The following DPEP2 variants were observed in gnomAD, a reference collection of about 807,000 sequenced individuals.
DPEP2 encodes the protein dipeptidase 2.
DPEP2 carries 45 observed loss-of-function variants against 51.8 expected under a neutral mutation model. The observed-to-expected ratio is 0.87, with a 90% CI of 0.68 to 1.11. DPEP2 has a LOEUF of 1.11. Among genes scored for constraint, DPEP2 ranks in the 50% most tolerant of loss-of-function variants. The pLI, the probability that DPEP2 is intolerant of heterozygous loss-of-function variation, is 0.00. For synonymous variants in DPEP2, 255 were observed against 262.7 expected (o/e 0.97, Z 0.28); for missense variants, 604 against 631.9 (o/e 0.96, Z 0.47).
intron 1 of DPEP2, chr16:67,994,904 T>C: frequency 1.0e-6 from 1 of 985,414 alleles, no homozygotes; most frequent in Non-Finnish European, 1.2e-6. Context: ...AAGGGGGTCT[T>C]TTTTTGTTTG....
At chr16:67,998,425 C>G (rs1340086105) in intron 1 of DPEP2, among the ~76,000 whole-genome samples, 1 of 152,238 alleles carries the variant, frequency 6.6e-6, no homozygotes, top group Admixed American at 6.5e-5. Context: ...CGCTCGACTT[C>G]TCACCGGGCC....
chr16:67,989,917 T>G, intron 8 of DPEP2, 130 bp downstream of exon 8: 1 of 915,304 alleles, frequency 1.1e-6, no homozygotes, highest in Non-Finnish European at 1.7e-6. Context: ...TGCAGCTCCA[T>G]GTGACCAATG....
chr16:67,987,428 T>TTG lies in DPEP2; in HGVS notation c.*76_*77dup. ...CCAAAACATTTATTTCAGGAAATATTTGTGCCTGCACAACAGGGGAACTTT... is the reference window on the plus strand; with the variant it reads ...CCAAAACATTTATTTCAGGAAATATTTGTGTGCCTGCACAACAGGGGAACTTT... On this transcript the variant is annotated 3_prime_UTR_variant, in exon 11 of 11. Transcript: ENST00000393847. 1 of 1,527,518 alleles carries TTG rather than the reference T, an allele frequency of 6.5e-7. No homozygotes were observed. Among genetic ancestry groups the TTG allele is most frequent in the Admixed American group, 2.0e-5 (1 of 51,016 alleles). 94.6% of individuals were successfully genotyped at this position (1,527,518 alleles called of 1,614,324 possible). A position where few individuals can be genotyped will look rare whatever the true frequency, so the allele number is the denominator to read the frequency against.
upstream of DPEP2, chr16:68,000,554 C>CAA (rs2032958816): frequency 1.1e-6 from 1 of 924,898 alleles, no homozygotes; most frequent in South Asian, 5.0e-5. Context: ...CCCATGATGT[C>CAA]TGATACAGAC....
chr16:67,996,191 C>T (rs568980217), intron 1 of DPEP2, among the ~76,000 whole-genome samples: 1 of 149,342 alleles, frequency 6.7e-6, no homozygotes, highest in South Asian at 2.2e-4. Context: ...TACTCGCCAC[C>T]ACACTCGGCT....
Position 67,991,400 on chromosome 16 carries a change from C to T in DPEP2, c.663-216G>A, listed in dbSNP as rs1436099716. On this transcript the variant is annotated intron_variant, in intron 5 of 10. Transcript: ENST00000393847. This position sits in a 1 kb window ranked among gnomAD's most constrained non-coding sequence, Gnocchi z 5.1. ...TTTTTTTTTTTTGGCAATAGAGTCT[C>T]GCTCTGTCACCCAGGCAGGAGTGCA... Among the ~76,000 whole-genome samples the T allele has an allele frequency of 6.8e-5, 10 of 146,628 alleles. No individual in the cohort carries two copies. Among genetic ancestry groups the T allele is most frequent in the Non-Finnish European group, 1.3e-4 (9 of 67,022 alleles).
Position 67,992,133 on chromosome 16 carries a change from C to T in DPEP2, c.451G>A (p.Glu151Lys), listed in dbSNP as rs375989977. Residue 151 changes from glutamate to lysine, a missense_variant, in exon 4 of 11, where the codon GAG becomes AAG. Coordinates refer to ENST00000393847, the MANE Select transcript of DPEP2 (RefSeq NM_022355.4). Reference sequence around the variant, plus strand: ...ATGCGGCGTATGAGGTCAATCTGCTCCAGGGTGAGGCGCAGGGCATCCCGG... The same window carrying T: ...ATGCGGCGTATGAGGTCAATCTGCTTCAGGGTGAGGCGCAGGGCATCCCGG... ...QDRDALRLTL[E>K]QIDLIRRMCA... The T allele has an allele frequency of 3.7e-5, 59 of 1,614,062 alleles. No individual in the cohort carries two copies. The highest frequency in any genetic ancestry group is 4.7e-5 in the Non-Finnish European group (56 of 1,180,038).
chr16:67,991,876 C>T lies in DPEP2; in HGVS notation c.624G>A (p.Val208=), dbSNP rs558643508. The change falls in exon 5 of 11, where the codon GTG becomes GTA. Residue 208 remains valine (V), a synonymous_variant. Transcript: ENST00000393847. The surrounding 1 kb of genome is among the most constrained non-coding windows in gnomAD (Gnocchi z 5.1). ...SILRTFYMLG[V]RYLTLTHTCN... ...AGGTGTGGGTGAGCGTCAGGTAGCG[C>T]ACTCCCAGCATGTAGAAGGTACGTA... The T allele has an allele frequency of 1.2e-6, 2 of 1,614,162 alleles. No individual in the cohort carries two copies. The highest frequency in any genetic ancestry group is 2.2e-5 in the East Asian group (1 of 44,878).
chr16:67,990,660 C>T (rs2032015053), intron 7 of DPEP2, among the ~76,000 whole-genome samples, 161 bp downstream of exon 7: 1 of 152,084 alleles, frequency 6.6e-6, no homozygotes, highest in Non-Finnish European at 1.5e-5. Context: ...GACGGGGTTT[C>T]CCCATGTTGG....
Position 67,991,023 on chromosome 16 carries a change from T to A in DPEP2, c.733-26A>T, listed in dbSNP as rs746093878. ...CTGCAGGGACATGTTGGGAGAAGGG[T>A]ATCAGGGGTGCACATGTGTATACAT... On this transcript the variant is annotated intron_variant, in intron 6 of 10. Transcript: ENST00000393847. This position sits in a 1 kb window ranked among gnomAD's most constrained non-coding sequence, Gnocchi z 5.1. 1 of 1,613,822 alleles carries A rather than the reference T, an allele frequency of 6.2e-7. No individual in the cohort carries two copies. Among genetic ancestry groups the A allele is most frequent in the Non-Finnish European group, 8.5e-7 (1 of 1,179,736 alleles).
Position 67,991,150 on chromosome 16 carries a change from A to G in DPEP2, c.697T>C (p.Tyr233His). The G allele has an allele frequency of 4.3e-6, 7 of 1,613,970 alleles. No homozygotes were observed. The highest frequency in any genetic ancestry group is 5.9e-6 in the Non-Finnish European group (7 of 1,180,020). The change falls in exon 6 of 11, where the codon TAC becomes CAC. Residue 233 changes from tyrosine to histidine, a missense_variant. Physicochemically the swap from Tyr to His is moderately conservative, Grantham distance 83. Transcript: ENST00000393847. This position sits in a 1 kb window ranked among gnomAD's most constrained non-coding sequence, Gnocchi z 5.1. ...TCAGTCAGCCCGCTGATGTTGTTGT[A>G]GAAGGAGTGGACGCCCTTAGCGGAG... ...ESSAKGVHSF[Y>H]NNISGLTDFG... is the part of the protein sequence containing the mutation.
Position 67,991,200 on chromosome 16 carries a change from G to A in DPEP2, c.663-16C>T. The A allele has an allele frequency of 6.2e-7, 1 of 1,612,148 alleles. No individual in the cohort carries two copies. Among genetic ancestry groups the A allele is most frequent in the Non-Finnish European group, 8.5e-7 (1 of 1,179,916 alleles). ...GCTCTCTGCCCTGCAGGGTGGCCAGGAAGCAGTCTGACTGGTAGCTGTTCC... is the reference window on the plus strand; with the variant it reads ...GCTCTCTGCCCTGCAGGGTGGCCAGAAAGCAGTCTGACTGGTAGCTGTTCC... On this transcript the variant is annotated splice_polypyrimidine_tract_variant and intron_variant, in intron 5 of 10. Coordinates refer to ENST00000393847, the MANE Select transcript of DPEP2 (RefSeq NM_022355.4). The surrounding 1 kb of genome is among the most constrained non-coding windows in gnomAD (Gnocchi z 5.1).
At position 67,999,367 on chromosome 16, in the gene DPEP2, C is replaced by T. The variant is rs1263126892; in HGVS notation, c.-46+8G>A. 6.4e-6 allele frequency: 3 copies of T among 469,820 alleles called. No homozygotes were observed. The highest frequency in any genetic ancestry group is 1.5e-4 in the East Asian group (1 of 6,502). The allele number at this position is 469,820 out of a possible 1,614,324, so 29.1% of individuals were successfully genotyped here. On this transcript the variant is annotated splice_region_variant and intron_variant, in intron 1 of 10. Transcript: ENST00000393847. ...AACATCAAAAGAAACAAACTCCAGA[C>T]GCGCTACCTTAAGAGCTGTAACACT...
rs2032167163 is a variant in DPEP2, at chr16:67,991,628, TC to T, written c.662+209del. On this transcript the variant is annotated intron_variant, in intron 5 of 10. Transcript: ENST00000393847. This position sits in a 1 kb window ranked among gnomAD's most constrained non-coding sequence, Gnocchi z 5.1. ...CCTGGCCTTAAGTTATCTGTCCGCC[TC>T]AGCCTCCCAAAGTTTTGGGATTACA... 2 of 690,862 alleles carry T rather than the reference TC, an allele frequency of 2.9e-6. No homozygotes were observed. The highest frequency in any genetic ancestry group is 3.6e-5 in the African/African-American group (2 of 55,724). 42.8% of individuals were successfully genotyped at this position (690,862 alleles called of 1,614,324 possible).
rs138542230 is a variant in DPEP2 at position 67,990,397 on chromosome 16, CA to C, written c.910-267del. On this transcript the variant is annotated intron_variant, in intron 7 of 10. Transcript: ENST00000393847. ...GGATGTGGACTGTGGGGTTGTGGGG[CA>C]AAAGATGTTCAGCCTGAAGTTGGAA... Among the ~76,000 whole-genome samples, 580 of 152,210 alleles carry C rather than the reference CA, an allele frequency of 3.8e-3. 16 individuals carry two copies. The East Asian group carries it at 0.075, about 20-fold the overall frequency.
intron 1 of DPEP2, among the ~76,000 whole-genome samples, chr16:67,998,314 C>G (rs1598283506): frequency 6.6e-6 from 1 of 152,114 alleles, no homozygotes; most frequent in East Asian, 1.9e-4. Context: ...CGGAGCGGCC[C>G]GCGGGCCCTG....
At position 67,987,725 on chromosome 16, in the gene DPEP2, C is replaced by T; in HGVS notation, c.1242G>A (p.Glu414=). 1 of 1,613,934 alleles carries T rather than the reference C, an allele frequency of 6.2e-7. No individual in the cohort carries two copies. The highest frequency in any genetic ancestry group is 8.5e-7 in the Non-Finnish European group (1 of 1,179,796). Residue 414 remains glutamate (E), a synonymous_variant, in exon 11 of 11, where the codon GAG becomes GAA. Coordinates refer to ENST00000393847, the MANE Select transcript of DPEP2 (RefSeq NM_022355.4). Reference sequence around the variant, plus strand: ...TCAGCTGCTCATCCGGGAACTTGTCCTCCAAGGGGCTTTGCCATTTGTTTT... The same window carrying T: ...TCAGCTGCTCATCCGGGAACTTGTCTTCCAAGGGGCTTTGCCATTTGTTTT... ...QEENKWQSPL[E]DKFPDEQLSS...
Position 67,992,682 on chromosome 16 carries a change from G to C in DPEP2, c.264-46C>G, listed in dbSNP as rs564312826. On this transcript the variant is annotated intron_variant, in intron 2 of 10. Transcript: ENST00000393847. The stretch of plus-strand genomic sequence containing the variant: ...GGTCAGGTGAAGAACAGACAGATGG[G>C]CCTCTTAGCCCTCCAGTTCAGGAAG... 12 of 1,593,370 alleles carry C rather than the reference G, an allele frequency of 7.5e-6. No individual in the cohort carries two copies. In the African/African-American group the frequency reaches 1.2e-4, roughly 16 times the overall value.
chr16:67,994,089 C>T (rs954717669), intron 1 of DPEP2: 80 of 985,462 alleles, frequency 8.1e-5, no homozygotes, highest in Non-Finnish European at 9.5e-5. Flanking sequence ...AGAGCAGGAA[C>T]CCACACAGCC....
Sources: gnomAD v4.1 joint callset for allele counts (sites outside exome capture counted in the v4.1 genomes callset) on GRCh38, gnomAD v4.1.1 for gene constraint, Gnocchi (gnomAD v3.1) non-coding constraint, MANE v1.5 for transcripts, NCBI Gene and HGNC (gene_info 2026-07-23, HGNC 2026-07-21) for gene names.